The following LMO7 variants were observed in gnomAD, a reference collection of about 807,000 sequenced individuals.
LMO7 encodes the protein LIM domain only protein 7.
Under a neutral mutation model 206.5 loss-of-function variants are expected in LMO7, and 120 were observed. The ratio of observed to expected loss-of-function variants is 0.58; its 90% confidence interval spans 0.50 to 0.68. The LOEUF is 0.68. Among genes scored for constraint, LMO7 ranks in the 30% least tolerant of loss-of-function variants. The pLI, the probability that LMO7 is intolerant of heterozygous loss-of-function variation, is 0.00. For missense variants in LMO7, 1,959 were observed against 1,957.9 expected (o/e 1.00, Z -0.01); for synonymous variants, 706 against 681.5 (o/e 1.04, Z -0.56).
At chr13:75,784,033 C>T (rs957270689) in intron 4 of LMO7, among the ~76,000 whole-genome samples, 2 of 152,100 alleles carry the variant, frequency 1.3e-5, no homozygotes, top group East Asian at 1.9e-4. Flanking sequence ...TTTGTACCCC[C>T]CTTCCCTTGG....
intron 15 of LMO7, among the ~76,000 whole-genome samples, chr13:75,829,384 G>A (rs1319202791): frequency 6.6e-6 from 1 of 152,084 alleles, no homozygotes; most frequent in Non-Finnish European, 1.5e-5. Flanking sequence ...ACAGTGGTGG[G>A]TGTATTATAG....
intron 1 of LMO7, among the ~76,000 whole-genome samples, chr13:75,695,385 G>A (rs1566318601): frequency 6.6e-6 from 1 of 152,144 alleles, no homozygotes; most frequent in African/African-American, 2.4e-5. Flanking sequence ...ATTTTGAGAC[G>A]GAGTCTCGCT....
chr13:75,668,401 C>T (rs1374940685), intron 1 of LMO7, among the ~76,000 whole-genome samples: 1 of 152,104 alleles, frequency 6.6e-6, no homozygotes, highest in Non-Finnish European at 1.5e-5. Context: ...TTTATATTTT[C>T]TCTCTTTAGT....
At position 75,669,294 on chromosome 13, in the gene LMO7, C is replaced by T. The variant is rs144729484; in HGVS notation, c.69+32568C>T. Among the ~76,000 whole-genome samples, 645 of 152,212 alleles carry T rather than the reference C, an allele frequency of 4.2e-3. 5 individuals carry two copies. The highest frequency in any genetic ancestry group is 0.015 in the African/African-American group (621 of 41,536). ...TGGGGAGAAGTCTCATAGCATTCATCGTACTTCCAGAAAACGTTGTGACCT... is the reference window on the plus strand; with the variant it reads ...TGGGGAGAAGTCTCATAGCATTCATTGTACTTCCAGAAAACGTTGTGACCT... On this transcript the variant is annotated intron_variant, in intron 1 of 30. Transcript: ENST00000377534.
At position 75,817,213 on chromosome 13, in the gene LMO7, C is replaced by T. The variant is rs1298520784; in HGVS notation, c.1999C>T (p.Leu667=). The part of the protein sequence containing the change: ...SAEDVQNLRQ[L]RYEEMQKIKS... Reference sequence around the variant, plus strand: ...AGAAGATGTTCAAAACTTGCGTCAGCTGCGTTACGAGGAGATGCAGAAAAT... The same window carrying T: ...AGAAGATGTTCAAAACTTGCGTCAGTTGCGTTACGAGGAGATGCAGAAAAT... The change falls in exon 12 of 31, where the codon CTG becomes TTG. Residue 667 remains leucine (L), a synonymous_variant. Coordinates refer to ENST00000377534, the MANE Select transcript of LMO7 (RefSeq NM_001306080.2). 3 of 1,613,692 alleles carry T rather than the reference C, an allele frequency of 1.9e-6. No homozygotes were observed. The highest frequency in any genetic ancestry group is 1.7e-6 in the Non-Finnish European group (2 of 1,179,752).
chr13:75,670,040 A>G (rs1210053110), intron 1 of LMO7, among the ~76,000 whole-genome samples: 1 of 152,188 alleles, frequency 6.6e-6, no homozygotes, highest in African/African-American at 2.4e-5. Context: ...TGCCTTTTAT[A>G]GGCCCTTATA....
chr13:75,674,162 T>C (rs755490067), intron 1 of LMO7, among the ~76,000 whole-genome samples: 6 of 152,246 alleles, frequency 3.9e-5, no homozygotes, highest in Non-Finnish European at 8.8e-5. Context: ...CAAATTTAAA[T>C]AGAGAACAAT....
At chr13:75,684,141 G>T (rs1219080397) in intron 1 of LMO7, among the ~76,000 whole-genome samples, 1 of 152,130 alleles carries the variant, frequency 6.6e-6, no homozygotes, top group African/African-American at 2.4e-5. Flanking sequence ...GCTGAGGGAA[G>T]GGGTCCATTT....
At chr13:75,852,742 C>T (rs1462680022) in intron 27 of LMO7, among the ~76,000 whole-genome samples, 1 of 152,184 alleles carries the variant, frequency 6.6e-6, no homozygotes, top group African/African-American at 2.4e-5. Flanking sequence ...AAATTGTATA[C>T]TTGACACTTT....
chr13:75,657,012 G>A (rs969527212), intron 1 of LMO7, among the ~76,000 whole-genome samples: 6 of 152,250 alleles, frequency 3.9e-5, no homozygotes, highest in South Asian at 2.1e-4. Flanking sequence ...TGTTAGGGTC[G>A]GCCAAATCCA....
At chr13:75,855,801 A>G (rs910027503) in intron 29 of LMO7, among the ~76,000 whole-genome samples, 1 of 152,246 alleles carries the variant, frequency 6.6e-6, no homozygotes, top group African/African-American at 2.4e-5. Flanking sequence ...ATAATTGCAC[A>G]GCCTGTTTAT....
chr13:75,709,066 C>G (rs138160806), intron 1 of LMO7, among the ~76,000 whole-genome samples: 19 of 151,954 alleles, frequency 1.3e-4, no homozygotes, highest in African/African-American at 4.3e-4. Flanking sequence ...TTTGTCCTTG[C>G]GATAGTTTGC....
chr13:75,633,652 G>C (rs1337270919), upstream of LMO7, among the ~76,000 whole-genome samples: 1 of 151,998 alleles, frequency 6.6e-6, no homozygotes, highest in Non-Finnish European at 1.5e-5. Flanking sequence ...TCTCTTTTGG[G>C]TTAAAAAAAG....
intron 3 of LMO7, among the ~76,000 whole-genome samples, chr13:75,732,904 C>T (rs1358129965): frequency 6.6e-6 from 1 of 152,188 alleles, no homozygotes; most frequent in Non-Finnish European, 1.5e-5. Flanking sequence ...ACCCTGTTTG[C>T]CTGGGTATCA....
intron 1 of LMO7, among the ~76,000 whole-genome samples, chr13:75,652,062 C>T (rs1490585048): frequency 1.3e-5 from 2 of 152,152 alleles, no homozygotes; most frequent in East Asian, 1.9e-4. Context: ...TCTGACTGTT[C>T]CCTTTTCATA....
chr13:75,745,394 G>A (rs1213563008), intron 3 of LMO7, among the ~76,000 whole-genome samples: 2 of 152,136 alleles, frequency 1.3e-5, no homozygotes, highest in Non-Finnish European at 2.9e-5. Flanking sequence ...ACAAATGGGT[G>A]AATTATATGG....
At chr13:75,844,823 A>G (rs1180492132) in intron 25 of LMO7, among the ~76,000 whole-genome samples, 1 of 152,220 alleles carries the variant, frequency 6.6e-6, no homozygotes, top group African/African-American at 2.4e-5. Context: ...CCAGAAGTTG[A>G]CTGTGCTGTA....
chr13:75,690,459 A>G (rs1160463498), intron 1 of LMO7, among the ~76,000 whole-genome samples: 1 of 152,108 alleles, frequency 6.6e-6, no homozygotes, highest in African/African-American at 2.4e-5. Context: ...ATAAATATAT[A>G]TATTTGTATC....
At chr13:75,722,752 A>G (rs984774161) in intron 2 of LMO7, among the ~76,000 whole-genome samples, 21 of 151,726 alleles carry the variant, frequency 1.4e-4, no homozygotes, top group East Asian at 3.9e-4. Context: ...TTGCAAGAAT[A>G]TGGAACCAGC....
Sources: allele counts gnomAD v4.1 joint callset (sites outside exome capture counted in the v4.1 genomes callset), GRCh38; gene constraint gnomAD v4.1.1; transcripts MANE v1.5; gene names NCBI Gene and HGNC (gene_info 2026-07-23, HGNC 2026-07-21).